The following ST3GAL3 variants were observed in gnomAD, a reference collection of about 807,000 sequenced individuals.
ST3GAL3 encodes ST3 beta-galactoside alpha-2,3-sialyltransferase 3.
In ST3GAL3, 21 loss-of-function variants were observed where a neutral mutation model predicts 50.1. That is an observed-to-expected ratio of 0.42 (90% CI 0.30 to 0.60). ST3GAL3 has a LOEUF of 0.60. ST3GAL3 is among the 20% of genes least tolerant of loss of function. The pLI, the probability that ST3GAL3 is intolerant of heterozygous loss-of-function variation, is 0.19. For synonymous variants in ST3GAL3, 183 were observed against 190.0 expected (o/e 0.96, Z 0.30); for missense variants, 353 against 489.4 (o/e 0.72, Z 2.63).
At chr1:43,765,786 C>CGCGCGCGCGCGTGT (rs1692535868) in intron 2 of ST3GAL3, among the ~76,000 whole-genome samples, 2 of 117,398 alleles carry the variant, frequency 1.7e-5, no homozygotes, top group African/African-American at 6.2e-5. Flanking sequence ...TGTGTGTGTG[C>CGCGCGCGCGCGTGT]GCGCGCGCGC....
At chr1:43,740,289 G>A (rs1680295578) in intron 2 of ST3GAL3, among the ~76,000 whole-genome samples, 1 of 151,636 alleles carries the variant, frequency 6.6e-6, no homozygotes, top group Admixed American at 6.6e-5. Context: ...CTTGAACTCG[G>A]GAGGCAGAGG....
At chr1:43,817,591 C>CGTT (rs2061482077) in intron 4 of ST3GAL3, among the ~76,000 whole-genome samples, 1 of 50,280 alleles carries the variant, frequency 2.0e-5, no homozygotes, top group Admixed American at 2.1e-4. Context: ...TCCTCCTTCT[C>CGTT]CTCCTCCCTT....
chr1:43,748,987 G>A (rs1214962846), intron 2 of ST3GAL3, among the ~76,000 whole-genome samples: 1 of 152,176 alleles, frequency 6.6e-6, no homozygotes, highest in Non-Finnish European at 1.5e-5. Flanking sequence ...TCTTACTGTG[G>A]TAATCAGGAC....
chr1:43,817,782 T>TCTTCTCCCCCTC (rs2061574976), intron 4 of ST3GAL3, among the ~76,000 whole-genome samples: 1 of 88,262 alleles, frequency 1.1e-5, no homozygotes, highest in Non-Finnish European at 2.2e-5. Flanking sequence ...TTCTCCTCCT[T>TCTTCTCCCCCTC]CTTCTCCTCC....
intron 5 of ST3GAL3, among the ~76,000 whole-genome samples, chr1:43,886,786 A>G (rs803676): frequency 0.82 from 124,062 of 152,206 alleles, 51,427 homozygotes; most frequent in Non-Finnish European, 0.89. Flanking sequence ...TTGCCATGAA[A>G]GGATGAAAGA....
intron 5 of ST3GAL3, among the ~76,000 whole-genome samples, chr1:43,848,014 C>G (rs1384001837): frequency 1.3e-5 from 2 of 152,104 alleles, no homozygotes; most frequent in Non-Finnish European, 2.9e-5. Flanking sequence ...CTGAACAAGT[C>G]TTTATTTTAC....
chr1:43,910,647 G>A (rs1166120807), intron 9 of ST3GAL3, among the ~76,000 whole-genome samples: 1 of 152,154 alleles, frequency 6.6e-6, no homozygotes, highest in East Asian at 1.9e-4. Context: ...TGGGCCTAAG[G>A]GTACAGATGC....
At position 43,926,749 on chromosome 1, in the gene ST3GAL3, C is replaced by G. The variant is rs183972234; in HGVS notation, c.1039-3383C>G. On this transcript the variant is annotated intron_variant, in intron 11 of 11. Transcript: ENST00000347631. ...GCGGCCAGTTCAAAGCTCAGGTGAACTCAGAAGTTGTCTGCATAGAATTAG... is the reference window on the plus strand; with the variant it reads ...GCGGCCAGTTCAAAGCTCAGGTGAAGTCAGAAGTTGTCTGCATAGAATTAG... 3.7e-4 allele frequency among the ~76,000 whole-genome samples: 56 copies of G among 152,310 alleles called. 1 individual carries two copies. In the South Asian group the frequency reaches 5.6e-3, roughly 15 times the overall value.
intron 5 of ST3GAL3, chr1:43,894,095 C>T: frequency 2.2e-6 from 1 of 451,912 alleles, no homozygotes; most frequent in East Asian, 4.5e-5. Context: ...TTCCAGAGAG[C>T]TTCCAGCTCT....
intron 5 of ST3GAL3, chr1:43,850,865 A>G (rs1038546317): frequency 3.2e-6 from 4 of 1,251,680 alleles, no homozygotes; most frequent in Non-Finnish European, 3.5e-6. Flanking sequence ...CAGGGAACAC[A>G]GCAGAGTTGA....
intron 4 of ST3GAL3, chr1:43,831,941 T>C (rs549235047): frequency 6.6e-6 from 1 of 152,326 alleles, no homozygotes; most frequent in South Asian, 2.1e-4. Flanking sequence ...TAGAGGATTG[T>C]TGTAAAGCTG....
chr1:43,842,117 G>A (rs1187960674), intron 5 of ST3GAL3: 2 of 152,158 alleles, frequency 1.3e-5, no homozygotes, highest in Non-Finnish European at 2.9e-5. Context: ...TTCAATCTGA[G>A]ACCTTGTTGG....
intron 5 of ST3GAL3, among the ~76,000 whole-genome samples, chr1:43,872,367 G>T (rs971613323): frequency 1.3e-5 from 2 of 150,632 alleles, no homozygotes; most frequent in African/African-American, 4.9e-5. Flanking sequence ...GAGGGGGGAG[G>T]ACTGTCTCAG....
chr1:43,844,821 C>CT (rs2065972368), intron 5 of ST3GAL3, among the ~76,000 whole-genome samples: 1 of 148,036 alleles, frequency 6.8e-6, no homozygotes, highest in Non-Finnish European at 1.5e-5. Context: ...AGCAAGACTC[C>CT]GTCTAAAAAA....
At chr1:43,824,303 C>G (rs1363679858) in intron 4 of ST3GAL3, among the ~76,000 whole-genome samples, 1 of 151,424 alleles carries the variant, frequency 6.6e-6, no homozygotes, top group Non-Finnish European at 1.5e-5. Flanking sequence ...GAGACTGTCA[C>G]TTGAAGAACT....
intron 1 of ST3GAL3, among the ~76,000 whole-genome samples, chr1:43,730,005 G>A (rs1055595838): frequency 2.0e-5 from 3 of 152,170 alleles, no homozygotes; most frequent in African/African-American, 4.8e-5. Flanking sequence ...TTGTCCTAGC[G>A]GCGAGTTTGA....
chr1:43,851,927 GCACCC>G (rs555253004), intron 5 of ST3GAL3, among the ~76,000 whole-genome samples: 1 of 152,284 alleles, frequency 6.6e-6, no homozygotes, highest in Non-Finnish European at 1.5e-5. Flanking sequence ...TCTGCTAGGT[GCACCC>G]CTTGCACCAG....
At chr1:43,840,697 CT>C (rs1047251690) in intron 5 of ST3GAL3, 1 of 152,108 alleles carries the variant, frequency 6.6e-6, no homozygotes, top group Non-Finnish European at 1.5e-5. Context: ...GGATGCCCAG[CT>C]TTAAAATTTC....
At chr1:43,840,035 T>TG (rs1460234545) in intron 5 of ST3GAL3, 1 of 151,878 alleles carries the variant, frequency 6.6e-6, no homozygotes, top group East Asian at 1.9e-4. Context: ...CCTTCCTTTT[T>TG]TTTTTTTTTT....
Sources: gnomAD v4.1 joint callset for allele counts (sites outside exome capture counted in the v4.1 genomes callset) on GRCh38, gnomAD v4.1.1 for gene constraint, MANE v1.5 for transcripts, NCBI Gene and HGNC (gene_info 2026-07-23, HGNC 2026-07-21) for gene names.